The following RETREG1 variants were observed in gnomAD, a reference collection of about 807,000 sequenced individuals.
RETREG1 encodes family with sequence similarity 134 member B.
Under a neutral mutation model 54.8 loss-of-function variants are expected in RETREG1, and 44 were observed. That is an observed-to-expected ratio of 0.80 (90% CI 0.63 to 1.03). The LOEUF (loss-of-function observed/expected upper bound fraction) is 1.03. Among genes scored for constraint, RETREG1 ranks in the 50% least tolerant of loss-of-function variants. RETREG1 has a pLI of 0.00. For synonymous variants in RETREG1, 217 were observed against 238.5 expected (o/e 0.91, Z 0.83); for missense variants, 554 against 605.1 (o/e 0.92, Z 0.89).
chr5:16,573,055 C>A (rs530689424), intron 1 of RETREG1, among the ~76,000 whole-genome samples: 3 of 151,712 alleles, frequency 2.0e-5, no homozygotes, highest in Non-Finnish European at 4.4e-5. Flanking sequence ...TGGTGGCGTG[C>A]GCCTGCAGTC....
At chr5:16,485,830 T>G (rs1646130842) in intron 3 of RETREG1, among the ~76,000 whole-genome samples, 1 of 152,190 alleles carries the variant, frequency 6.6e-6, no homozygotes, top group Non-Finnish European at 1.5e-5. Flanking sequence ...TAAAAAGTTA[T>G]TAAGTTCCCC....
At chr5:16,611,245 G>T (rs930628860) in intron 1 of RETREG1, among the ~76,000 whole-genome samples, 5 of 152,120 alleles carry the variant, frequency 3.3e-5, no homozygotes, top group Admixed American at 3.3e-4. Flanking sequence ...CACACACCAG[G>T]GCCTGTCATG....
At position 16,477,691 on chromosome 5, in the gene RETREG1, C is replaced by A; in HGVS notation, c.971G>T (p.Gly324Val). 1 of 1,613,120 alleles carries A rather than the reference C, an allele frequency of 6.2e-7. No homozygotes were observed. Among genetic ancestry groups the A allele is most frequent in the East Asian group, 2.2e-5 (1 of 44,846 alleles). Residue 324 changes from glycine to valine, a missense_variant, in exon 8 of 9, where the codon GGA (glycine) becomes GTA (valine). Physicochemically the swap from Gly to Val is moderately radical, Grantham distance 109. Transcript: ENST00000306320. ...AGAAGTGTCTGTCTGTGGAGTGTATCCTTCTGAAAGGTTGAAGGTCCCATT... is the reference window on the plus strand; with the variant it reads ...AGAAGTGTCTGTCTGTGGAGTGTATACTTCTGAAAGGTTGAAGGTCCCATT... ...TDNGTFNLSE[G>V]YTPQTDTSDD...
At chr5:16,486,960 G>A (rs1739044153) in intron 3 of RETREG1, among the ~76,000 whole-genome samples, 1 of 152,116 alleles carries the variant, frequency 6.6e-6, no homozygotes, top group Admixed American at 6.6e-5. Context: ...GAAACTCTAG[G>A]TTTTCCCAGA....
chr5:16,612,347 C>A (rs889088000), intron 1 of RETREG1, among the ~76,000 whole-genome samples: 12 of 152,082 alleles, frequency 7.9e-5, no homozygotes, highest in South Asian at 4.1e-4. Flanking sequence ...TAAAAAAAAA[C>A]CAACATTTTC....
intron 3 of RETREG1, among the ~76,000 whole-genome samples, chr5:16,487,673 C>G (rs1739070430): frequency 6.6e-6 from 1 of 152,232 alleles, no homozygotes; most frequent in Non-Finnish European, 1.5e-5. Flanking sequence ...GAAGGCCATT[C>G]TCCAATCAAG....
intron 3 of RETREG1, among the ~76,000 whole-genome samples, chr5:16,552,656 C>A (rs552644467): frequency 1.3e-5 from 2 of 152,318 alleles, no homozygotes; most frequent in South Asian, 4.1e-4. Flanking sequence ...ATCCTTCAAT[C>A]ACTTCTCTTA....
intron 3 of RETREG1, among the ~76,000 whole-genome samples, chr5:16,485,544 A>C (rs1021298469): frequency 1.3e-5 from 2 of 152,150 alleles, no homozygotes; most frequent in Middle Eastern, 3.2e-3. Context: ...TTTAGGATTC[A>C]TGTCTTGGAA....
chr5:16,477,521 G>A (rs1404457956), intron 8 of RETREG1, 141 bp downstream of exon 8: 1 of 808,466 alleles, frequency 1.2e-6, no homozygotes, highest in Non-Finnish European at 2.0e-6. Context: ...GCAAGTATCA[G>A]GACTTCATTT....
chr5:16,512,890 G>A (rs765889200), intron 3 of RETREG1, among the ~76,000 whole-genome samples: 21 of 152,070 alleles, frequency 1.4e-4, no homozygotes, highest in Non-Finnish European at 2.8e-4. Flanking sequence ...CCAGAAACGG[G>A]ATTCAAAGTA....
intron 1 of RETREG1, among the ~76,000 whole-genome samples, chr5:16,613,958 C>T (rs1193813730): frequency 6.6e-6 from 1 of 151,978 alleles, no homozygotes; most frequent in Admixed American, 6.6e-5. Context: ...GTCATAAATT[C>T]CAATGAATTA....
chr5:16,553,730 T>C (rs2126618257), intron 3 of RETREG1, among the ~76,000 whole-genome samples: 1 of 152,192 alleles, frequency 6.6e-6, no homozygotes, highest in Admixed American at 6.5e-5. Context: ...CAGTCCTGAT[T>C]GGATAATAGG....
intron 3 of RETREG1, among the ~76,000 whole-genome samples, chr5:16,518,394 G>A (rs1261358112): frequency 6.6e-6 from 1 of 151,446 alleles, no homozygotes; most frequent in East Asian, 1.9e-4. Context: ...GAAGGGAAGG[G>A]AGGAGAGGAG....
intron 3 of RETREG1, among the ~76,000 whole-genome samples, chr5:16,504,599 G>A (rs1309753362): frequency 6.6e-6 from 1 of 151,998 alleles, no homozygotes; most frequent in Non-Finnish European, 1.5e-5. Flanking sequence ...CGCCCACACT[G>A]CCCTCCTAAA....
chr5:16,474,763 G>A lies in RETREG1; in HGVS notation c.1472C>T (p.Ser491Leu), dbSNP rs1158524898. The A allele has an allele frequency of 6.2e-7, 1 of 1,607,190 alleles. No homozygotes were observed. Among genetic ancestry groups the A allele is most frequent in the Non-Finnish European group, 8.5e-7 (1 of 1,177,898 alleles). ...AGATTAATGGCCTCCCAGCAGATTT[G>A]AAAGGAAACCTGAAGACTTCTTATT... Reference protein sequence around the residue: ...QQNKKSSGFLSNLLGGH With the variant: ...QQNKKSSGFLLNLLGGH Residue 491 changes from serine to leucine, a missense_variant, in exon 9 of 9, where the codon TCA becomes TTA. Ser to Leu is a moderately radical substitution (Grantham distance 145). This residue lies in a region of RETREG1 where 30 missense variants were observed against 32.4 expected (regional missense o/e 0.93). Transcript: ENST00000306320.
At position 16,565,744 on chromosome 5, in the gene RETREG1, C is replaced by T. The variant is rs200033691; in HGVS notation, c.458+19G>A. The T allele has an allele frequency of 2.5e-4, 407 of 1,613,932 alleles. 1 individual carries two copies. Among genetic ancestry groups the T allele is most frequent in the East Asian group, 4.5e-4 (20 of 44,888 alleles). ...CACCCTCCCTCCATTAAGCACAACACGGAAAGAAAGTTCCCTACCTTTCAC... is the reference window on the plus strand; with the variant it reads ...CACCCTCCCTCCATTAAGCACAACATGGAAAGAAAGTTCCCTACCTTTCAC... On this transcript the variant is annotated intron_variant, in intron 3 of 8. Coordinates refer to ENST00000306320, the MANE Select transcript of RETREG1 (RefSeq NM_001034850.3).
At chr5:16,506,498 G>C (rs1739963203) in intron 3 of RETREG1, among the ~76,000 whole-genome samples, 1 of 144,744 alleles carries the variant, frequency 6.9e-6, no homozygotes, top group South Asian at 2.2e-4. Context: ...TTTTGAGACA[G>C]GGTCTTACTC....
At chr5:16,569,151 G>T (rs1038056084) in intron 2 of RETREG1, among the ~76,000 whole-genome samples, 1 of 152,152 alleles carries the variant, frequency 6.6e-6, no homozygotes, top group Non-Finnish European at 1.5e-5. Flanking sequence ...TGGGACTGCT[G>T]CCAACTATTC....
intron 1 of RETREG1, among the ~76,000 whole-genome samples, chr5:16,582,360 T>C (rs942134391): frequency 1.3e-5 from 2 of 151,976 alleles, no homozygotes; most frequent in African/African-American, 4.8e-5. Context: ...ATGTGTCTAT[T>C]TGCTTTTTTT....
Sources: gnomAD v4.1 joint callset for allele counts (sites outside exome capture counted in the v4.1 genomes callset) on GRCh38, gnomAD v4.1.1 for gene constraint, gnomAD v4.1.1 regional missense constraint, MANE v1.5 for transcripts, NCBI Gene and HGNC (gene_info 2026-07-23, HGNC 2026-07-21) for gene names.